DPM1: variants seen among roughly 807,000 people sequenced by gnomAD.
DPM1 encodes the protein dolichol-phosphate mannosyltransferase subunit 1.
A neutral mutation model predicts 39.0 loss-of-function variants in DPM1; 27 were observed. That is an observed-to-expected ratio of 0.69 (90% CI 0.51 to 0.95). The LOEUF (loss-of-function observed/expected upper bound fraction) is 0.95. DPM1 is among the 40% of genes least tolerant of loss of function. The pLI is 0.00. For synonymous variants in DPM1, 124 were observed against 109.0 expected, an observed-to-expected ratio of 1.14 and a Z score of -0.86; for missense variants, 307 against 315.6, an observed-to-expected ratio of 0.97 and a Z score of 0.21.
In DPM1 at chr20:50,952,823, A is replaced by G. The variant is rs1470089932; in HGVS notation, c.261+2363T>C. ...TATCAGAGTAAGTTTTTAAAATACT[A>G]AACTATAAAATAATGACAAAATGTA... is the stretch of plus-strand genomic sequence containing the variant. On this transcript the variant is annotated intron_variant, in intron 2 of 8. Transcript: ENST00000371588. 2.0e-5 allele frequency among the ~76,000 whole-genome samples: 3 copies of G among 152,238 alleles called. No individual in the cohort carries two copies. In the East Asian group the frequency reaches 5.8e-4, roughly 29 times the overall value.
In DPM1 at chr20:50,955,276, G is replaced by A. The variant is rs755192460; in HGVS notation, c.171C>T (p.Asn57=). 9.9e-6 allele frequency: 16 copies of A among 1,611,052 alleles called. No homozygotes were observed. In the Middle Eastern group the frequency reaches 6.6e-4, roughly 66 times the overall value. The change falls in exon 2 of 9, where the codon AAC becomes AAT. Residue 57 remains asparagine (N), a synonymous_variant. Transcript: ENST00000371588. Reference sequence around the variant, plus strand: ...CATCATCTATGATTATAATTTCATAGTTGATTCCACTAAAAAAATTAAATT... The same window carrying A: ...CATCATCTATGATTATAATTTCATAATTGATTCCACTAAAAAAATTAAATT... The part of the protein sequence containing the change: ...LVKSFSESGI[N]YEIIIIDDGS...
intron 3 of DPM1, among the ~76,000 whole-genome samples, chr20:50,948,134 A>AC (rs1343459736): frequency 6.6e-6 from 1 of 152,162 alleles, no homozygotes; most frequent in East Asian, 1.9e-4. Context: ...AGGGAGGGGA[A>AC]AAGGGAAAAG....
At chr20:50,942,958 A>G (rs1601036077) in intron 5 of DPM1, among the ~76,000 whole-genome samples, 1 of 152,196 alleles carries the variant, frequency 6.6e-6, no homozygotes. Context: ...CAGGTGGATC[A>G]CTTGAGGTCA....
chr20:50,940,760 C>G (rs1253581041), intron 7 of DPM1, 105 bp downstream of exon 7: 8 of 988,780 alleles, frequency 8.1e-6, no homozygotes, highest in Admixed American at 1.9e-5. Context: ...TTTTAGTATC[C>G]CAGAATAAAA....
chr20:50,951,083 TAAAAC>T (rs1295741591), intron 2 of DPM1, among the ~76,000 whole-genome samples: 2 of 152,158 alleles, frequency 1.3e-5, no homozygotes, highest in African/African-American at 4.8e-5. Context: ...AATAATAAAA[TAAAAC>T]AATTACAACA....
At chr20:50,938,666 C>T (rs1985432535) in intron 7 of DPM1, among the ~76,000 whole-genome samples, 1 of 149,066 alleles carries the variant, frequency 6.7e-6, no homozygotes, top group Admixed American at 6.6e-5. Flanking sequence ...AGGCGTGAGC[C>T]ACCGCGCCCA....
chr20:50,952,564 T>C (rs1292436794), intron 2 of DPM1, among the ~76,000 whole-genome samples: 6 of 152,208 alleles, frequency 3.9e-5, no homozygotes, highest in African/African-American at 1.4e-4. Context: ...AAGGCTAATA[T>C]GTACTCTCCT....
chr20:50,943,370 T>C (rs959714898), intron 5 of DPM1, among the ~76,000 whole-genome samples: 1 of 151,156 alleles, frequency 6.6e-6, no homozygotes, highest in African/African-American at 2.4e-5. Flanking sequence ...TTTTGTTTTG[T>C]TTTTTTTTGA....
At chr20:50,951,722 A>T (rs969407249) in intron 2 of DPM1, among the ~76,000 whole-genome samples, 1 of 152,018 alleles carries the variant, frequency 6.6e-6, no homozygotes, top group African/African-American at 2.4e-5. Context: ...CAGGAGGCAG[A>T]GTGTGCAGTG....
At chr20:50,957,880 T>A (rs1026309791) in intron 1 of DPM1, among the ~76,000 whole-genome samples, 1 of 152,222 alleles carries the variant, frequency 6.6e-6, no homozygotes, top group South Asian at 2.1e-4. Context: ...AAGATGCTCT[T>A]CTGCTTTCTC....
chr20:50,955,382 T>C, intron 1 of DPM1, 97 bp from the exon 2 acceptor site: 1 of 833,456 alleles, frequency 1.2e-6, no homozygotes, highest in Non-Finnish European at 2.0e-6. Flanking sequence ...TAAATGGAGA[T>C]GTATTGCTAT....
chr20:50,958,114 C>G (rs1026319595), intron 1 of DPM1, among the ~76,000 whole-genome samples: 1 of 152,290 alleles, frequency 6.6e-6, no homozygotes, highest in Admixed American at 6.5e-5. Flanking sequence ...AGGCGGGGGA[C>G]GGGAGTACTA....
At chr20:50,943,234 T>C (rs1986006991) in intron 5 of DPM1, among the ~76,000 whole-genome samples, 1 of 152,192 alleles carries the variant, frequency 6.6e-6, no homozygotes, top group African/African-American at 2.4e-5. Context: ...AGAGAGCTCT[T>C]TCCCATTCTT....
chr20:50,955,335 T>C (rs1427733060), intron 1 of DPM1, 50 bp from the exon 2 acceptor site: 1 of 1,316,794 alleles, frequency 7.6e-7, no homozygotes, highest in Admixed American at 1.7e-5. Context: ...TTCTCAAATT[T>C]AAAAGTAATT....
At chr20:50,955,691 G>C (rs557383629) in intron 1 of DPM1, among the ~76,000 whole-genome samples, 168 of 152,232 alleles carry the variant, frequency 1.1e-3, no homozygotes, top group African/African-American at 3.8e-3. Context: ...AGCCTCCGGA[G>C]TAGCTGGGAC....
intron 6 of DPM1, 128 bp downstream of exon 6, chr20:50,941,903 G>T (rs576909134): frequency 1.3e-6 from 1 of 795,078 alleles, no homozygotes; most frequent in Non-Finnish European, 2.2e-6. Context: ...AAACTATCTG[G>T]GAGTATTTAC....
At chr20:50,949,712 T>A (rs1487544418) in intron 2 of DPM1, among the ~76,000 whole-genome samples, 1 of 152,180 alleles carries the variant, frequency 6.6e-6, no homozygotes, top group Non-Finnish European at 1.5e-5. Context: ...TATAAGCAGG[T>A]TGCCTCTGAC....
At chr20:50,949,148 C>T (rs1470851280) in intron 2 of DPM1, among the ~76,000 whole-genome samples, 2 of 152,158 alleles carry the variant, frequency 1.3e-5, no homozygotes, top group East Asian at 3.8e-4. Flanking sequence ...CATGAGTCAC[C>T]GCGCCCGTCC....
intron 2 of DPM1, among the ~76,000 whole-genome samples, chr20:50,954,388 T>G (rs1298725695): frequency 1.3e-5 from 2 of 152,230 alleles, no homozygotes; most frequent in Middle Eastern, 3.4e-3. Flanking sequence ...GATGCGGTGC[T>G]GAACATCCTA....
Sources: gnomAD v4.1 joint callset for allele counts (sites outside exome capture counted in the v4.1 genomes callset) on GRCh38, gnomAD v4.1.1 for gene constraint, MANE v1.5 for transcripts, NCBI Gene and HGNC (gene_info 2026-07-23, HGNC 2026-07-21) for gene names.